MYOM2: variants seen among roughly 807,000 people sequenced by gnomAD.
The protein encoded by MYOM2 is myomesin 2.
In MYOM2, 254 loss-of-function variants were observed where a neutral mutation model predicts 187.6. The observed-to-expected ratio is 1.35, with a 90% CI of 1.22 to 1.50. The LOEUF (loss-of-function observed/expected upper bound fraction) is 1.50, where lower values mean the gene tolerates loss of function less well. MYOM2 is among the 40% of genes most tolerant of loss of function. The probability of loss-of-function intolerance (pLI) is 0.00; values close to 1 mark genes in which losing one functional copy is unlikely to be tolerated. For synonymous variants in MYOM2, 981 were observed against 753.8 expected, an observed-to-expected ratio of 1.30 and a Z score of -4.94; for missense variants, 2,796 against 1,924.0, an observed-to-expected ratio of 1.45 and a Z score of -8.48.
At chr8:2,067,573 A>T (rs1422492975) in intron 6 of MYOM2, among the ~76,000 whole-genome samples, 2 of 152,150 alleles carry the variant, frequency 1.3e-5, no homozygotes, top group Non-Finnish European at 2.9e-5. Context: ...AGCTCAGCTG[A>T]TCTTAGCGCC....
At chr8:2,054,310 C>T (rs1818587546) in intron 3 of MYOM2, among the ~76,000 whole-genome samples, 1 of 152,004 alleles carries the variant, frequency 6.6e-6, no homozygotes, top group Non-Finnish European at 1.5e-5. Context: ...AGATACGACC[C>T]CGATGCTCTG....
At chr8:2,056,795 A>T (rs932516466) in intron 3 of MYOM2, among the ~76,000 whole-genome samples, 1 of 152,164 alleles carries the variant, frequency 6.6e-6, no homozygotes, top group Non-Finnish European at 1.5e-5. Flanking sequence ...AGTAGCACCT[A>T]ACAGTTTTGA....
At chr8:2,070,394 T>A (rs1394156458) in intron 8 of MYOM2, among the ~76,000 whole-genome samples, 1 of 152,194 alleles carries the variant, frequency 6.6e-6, no homozygotes, top group Non-Finnish European at 1.5e-5. Flanking sequence ...TGCTCGCGAT[T>A]TCTGTGTGAC....
chr8:2,080,260 G>C (rs978664751), intron 13 of MYOM2, among the ~76,000 whole-genome samples: 2 of 152,224 alleles, frequency 1.3e-5, no homozygotes, highest in Non-Finnish European at 2.9e-5. Context: ...GGAGCCACTG[G>C]CTAGAGAGAG....
At chr8:2,143,015 C>G (rs1256748270) in intron 35 of MYOM2, among the ~76,000 whole-genome samples, 4 of 152,016 alleles carry the variant, frequency 2.6e-5, no homozygotes. Flanking sequence ...CTTGGCCTCC[C>G]AAAGTGTTGG....
In MYOM2 at chr8:2,045,455, T is replaced by A. The variant is rs115133301; in HGVS notation, c.-13+287T>A. Among the ~76,000 whole-genome samples the A allele has an allele frequency of 8.0e-3, 1,216 of 152,350 alleles. 18 individuals carry two copies. Among genetic ancestry groups the A allele is most frequent in the African/African-American group, 0.028 (1,144 of 41,588 alleles). ...CGTGTGCTTTGGGTTTTAGCCCTGGTCTCATCGTGGCCCCAGGGGGCCCCC... is the reference window on the plus strand; with the variant it reads ...CGTGTGCTTTGGGTTTTAGCCCTGGACTCATCGTGGCCCCAGGGGGCCCCC... On this transcript the variant is annotated intron_variant, in intron 1 of 36. Coordinates refer to ENST00000262113, the MANE Select transcript of MYOM2 (RefSeq NM_003970.4).
In MYOM2 at chr8:2,077,468, G is replaced by C. The variant is rs140605040; in HGVS notation, c.1262+1186G>C. 8.2e-3 allele frequency among the ~76,000 whole-genome samples: 1,251 copies of C among 152,240 alleles called. 10 individuals carry two copies. Among genetic ancestry groups the C allele is most frequent in the Non-Finnish European group, 0.012 (835 of 68,024 alleles). On this transcript the variant is annotated intron_variant, in intron 11 of 36. Coordinates refer to ENST00000262113, the MANE Select transcript of MYOM2 (RefSeq NM_003970.4). ...GGAATTGGCTTTTGTTTGTTTGTTT[G>C]TTTATGCTGATTAAATTCTCTTTTC... is the stretch of plus-strand genomic sequence containing the variant.
In MYOM2 at chr8:2,106,202, C is replaced by T. The variant is rs761921973; in HGVS notation, c.2735-40C>T. On this transcript the variant is annotated intron_variant, in intron 21 of 36. Coordinates refer to ENST00000262113, the MANE Select transcript of MYOM2 (RefSeq NM_003970.4). ...TCCCAAAAGAGAGTTGAAAGAACAC[C>T]GTGTCCCTAAGCCGCTCACTTCATA... The T allele has an allele frequency of 2.3e-5, 37 of 1,593,252 alleles. No homozygotes were observed. In the East Asian group the frequency reaches 2.9e-4, roughly 13 times the overall value.
chr8:2,109,668 C>G (rs983950214), intron 25 of MYOM2, 137 bp downstream of exon 25: 3 of 932,068 alleles, frequency 3.2e-6, no homozygotes, highest in African/African-American at 3.4e-5. Flanking sequence ...GGAAGGTTGA[C>G]AAGATGAATG....
rs78101748 is a variant in MYOM2 at position 2,135,895 on chromosome 8, C to T, written c.3801-4828C>T. On this transcript the variant is annotated intron_variant, in intron 32 of 36. Transcript: ENST00000262113. ...GTGTTTGGCCCTCTTATAAGTTGCT[C>T]ATTCAGGGGAAGCCAAATGAGTGGG... Among the ~76,000 whole-genome samples the T allele has an allele frequency of 4.1e-3, 618 of 152,298 alleles. 4 individuals carry two copies. The highest frequency in any genetic ancestry group is 0.014 in the African/African-American group (602 of 41,558).
At chr8:2,066,159 A>G (rs990103571) in intron 6 of MYOM2, among the ~76,000 whole-genome samples, 5 of 152,180 alleles carry the variant, frequency 3.3e-5, no homozygotes, top group Non-Finnish European at 5.9e-5. Context: ...CAGCCGGGTC[A>G]CATCCCGTGA....
chr8:2,114,012 G>A (rs191333274), intron 25 of MYOM2, among the ~76,000 whole-genome samples: 3 of 152,188 alleles, frequency 2.0e-5, no homozygotes, highest in Non-Finnish European at 4.4e-5. Context: ...CAAGGGCAGG[G>A]TGCTATTGGG....
chr8:2,107,580 G>C (rs1220852731), intron 23 of MYOM2, among the ~76,000 whole-genome samples: 2 of 152,092 alleles, frequency 1.3e-5, no homozygotes, highest in African/African-American at 2.4e-5. Context: ...TCGGCTTCTC[G>C]AGTGTGCAGG....
chr8:2,140,649 G>C (rs575043014), intron 32 of MYOM2, 74 bp from the exon 33 acceptor site: 287 of 1,455,304 alleles, frequency 2.0e-4, no homozygotes, highest in Non-Finnish European at 2.5e-4. Context: ...ACAGCAACGG[G>C]ACATTGCCCT....
At chr8:2,100,186 T>TTCCTTCCTTCCCTCCC (rs1796658041) in intron 19 of MYOM2, among the ~76,000 whole-genome samples, 1 of 145,284 alleles carries the variant, frequency 6.9e-6, no homozygotes, top group African/African-American at 2.5e-5. Context: ...CCTTCCTTCC[T>TTCCTTCCTTCCCTCCC]TCCCTCCCTG....
chr8:2,109,152 C>A (rs1342565044), intron 24 of MYOM2: 3 of 534,576 alleles, frequency 5.6e-6, no homozygotes, highest in Non-Finnish European at 9.7e-6. Flanking sequence ...AGAATCCAGG[C>A]ATCTTTACTT....
At chr8:2,109,168 A>T (rs1019460241) in intron 24 of MYOM2, 7 of 539,976 alleles carry the variant, frequency 1.3e-5, no homozygotes, top group East Asian at 3.2e-5. Context: ...TACTTATCGA[A>T]CACATTTGCA....
intron 13 of MYOM2, among the ~76,000 whole-genome samples, chr8:2,080,882 G>C (rs1275256910): frequency 2.7e-5 from 4 of 150,566 alleles, no homozygotes; most frequent in Admixed American, 1.3e-4. Flanking sequence ...GGGAGGAACA[G>C]GCAGCCCAGC....
chr8:2,063,850 A>G (rs1362128757), intron 6 of MYOM2, among the ~76,000 whole-genome samples: 3 of 152,194 alleles, frequency 2.0e-5, no homozygotes, highest in African/African-American at 7.2e-5. Context: ...GGCGCCATGG[A>G]CGTTTGTATA....
Sources: allele counts gnomAD v4.1 joint callset (sites outside exome capture counted in the v4.1 genomes callset), GRCh38; gene constraint gnomAD v4.1.1; transcripts MANE v1.5; gene names NCBI Gene and HGNC (gene_info 2026-07-23, HGNC 2026-07-21).